The following TNRC18 variants were observed in gnomAD, a reference collection of about 807,000 sequenced individuals.
The protein encoded by TNRC18 is trinucleotide repeat-containing gene 18 protein.
TNRC18 carries 69 observed loss-of-function variants against 226.7 expected under a neutral mutation model. The observed-to-expected ratio is 0.30, with a 90% CI of 0.25 to 0.37. The LOEUF (loss-of-function observed/expected upper bound fraction) is 0.37, where lower values mean the gene tolerates loss of function less well. TNRC18 is among the 10% of genes least tolerant of loss of function. The pLI is 1.00. For synonymous variants in TNRC18, 2,449 were observed against 1,927.6 expected, an observed-to-expected ratio of 1.27 and a Z score of -7.09; for missense variants, 4,754 against 4,256.6, an observed-to-expected ratio of 1.12 and a Z score of -3.25.
At chr7:5,398,173 A>AT (rs1288938002) in intron 2 of TNRC18, among the ~76,000 whole-genome samples, 2,850 of 149,656 alleles carry the variant, frequency 0.019, 92 homozygotes, top group African/African-American at 0.065. Context: ...GCAAAAAAAA[A>AT]TTTTTTTTTT....
At chr7:5,395,597 G>A (rs1405341036) in intron 2 of TNRC18, among the ~76,000 whole-genome samples, 1 of 152,224 alleles carries the variant, frequency 6.6e-6, no homozygotes, top group Non-Finnish European at 1.5e-5. Flanking sequence ...TGGCGCACGG[G>A]GCTTCCCTTA....
intron 2 of TNRC18, among the ~76,000 whole-genome samples, chr7:5,398,174 T>A (rs529934920): frequency 5.5e-4 from 78 of 142,064 alleles, no homozygotes; most frequent in Admixed American, 8.9e-4. Flanking sequence ...CAAAAAAAAA[T>A]TTTTTTTTTT....
chr7:5,415,334 T>C (rs1782110897), intron 2 of TNRC18, among the ~76,000 whole-genome samples: 1 of 148,502 alleles, frequency 6.7e-6, no homozygotes, highest in East Asian at 1.9e-4. Flanking sequence ...AGACCAGACC[T>C]TTACCATTTT....
chr7:5,380,781 G>A (rs963908206), intron 5 of TNRC18, among the ~76,000 whole-genome samples: 6 of 152,280 alleles, frequency 3.9e-5, no homozygotes, highest in South Asian at 4.1e-4. Flanking sequence ...GGGCAACGGA[G>A]GGCCACTCCA....
intron 5 of TNRC18, among the ~76,000 whole-genome samples, chr7:5,385,536 T>G (rs948418338): frequency 6.7e-6 from 1 of 148,902 alleles, no homozygotes; most frequent in Non-Finnish European, 1.5e-5. Context: ...AATACAAAAT[T>G]AGCCGGGCAT....
chr7:5,350,018 C>A (rs1791619858), intron 17 of TNRC18, among the ~76,000 whole-genome samples: 1 of 152,134 alleles, frequency 6.6e-6, no homozygotes, highest in Non-Finnish European at 1.5e-5. Flanking sequence ...GCCTAGGGCG[C>A]TGCCTGCTTC....
At chr7:5,336,292 C>T (rs1048997628) in intron 18 of TNRC18, among the ~76,000 whole-genome samples, 1 of 151,624 alleles carries the variant, frequency 6.6e-6, no homozygotes. Flanking sequence ...ACCAACTAAA[C>T]GTGACCCTGA....
chr7:5,395,100 G>C (rs1780579646), intron 2 of TNRC18, among the ~76,000 whole-genome samples: 2 of 152,156 alleles, frequency 1.3e-5, no homozygotes, highest in Non-Finnish European at 2.9e-5. Context: ...AGCAGCCCTA[G>C]CCAGCCCCGT....
In TNRC18 at chr7:5,377,653, G is replaced by A. The variant is rs960961838; in HGVS notation, c.2256-77C>T. On this transcript the variant is annotated intron_variant, in intron 6 of 29. Coordinates refer to ENST00000430969, the MANE Select transcript of TNRC18 (RefSeq NM_001080495.3). This position sits in a 1 kb window ranked among gnomAD's most constrained non-coding sequence, Gnocchi z 5.8. ...AGAGGGAGAAGCGGGGTTGCCCCAA[G>A]GAACTGTTTGCCACCAGGCCATGAG... 6.9e-6 allele frequency: 10 copies of A among 1,439,142 alleles called. No homozygotes were observed. The highest frequency in any genetic ancestry group is 1.4e-5 in the African/African-American group (1 of 70,730). 89.1% of individuals were successfully genotyped at this position (1,439,142 alleles called of 1,614,324 possible).
At chr7:5,357,883 G>C (rs185448371) in intron 15 of TNRC18, among the ~76,000 whole-genome samples, 1 of 152,278 alleles carries the variant, frequency 6.6e-6, no homozygotes, top group East Asian at 1.9e-4. Flanking sequence ...TGACCACAAC[G>C]TCTGGTACAA....
chr7:5,363,466 T>C (rs912220196), intron 11 of TNRC18, among the ~76,000 whole-genome samples: 16 of 152,030 alleles, frequency 1.1e-4, no homozygotes, highest in Admixed American at 7.9e-4. Context: ...TAGCCGGGTG[T>C]GGTGGCGGGC....
At chr7:5,371,505 AGGTG>A in intron 10 of TNRC18, 141 bp from the exon 11 acceptor site, 1 of 1,147,060 alleles carries the variant, frequency 8.7e-7, no homozygotes, top group Non-Finnish European at 1.2e-6. Context: ...GAGCTGTTCT[AGGTG>A]GGATCTCAGA....
Position 5,352,100 on chromosome 7 carries a change from G to T in TNRC18, c.5195-6C>A. On this transcript the variant is annotated splice_region_variant and splice_polypyrimidine_tract_variant and intron_variant, in intron 16 of 29. Transcript: ENST00000430969. The stretch of plus-strand genomic sequence containing the variant: ...GTCTTCCTCTGAGTCCGTATCTGCA[G>T]TCAAAGTAGTTTTTAATAGAGATAA... The T allele has an allele frequency of 6.3e-7, 1 of 1,592,664 alleles. No homozygotes were observed. The highest frequency in any genetic ancestry group is 1.3e-5 in the African/African-American group (1 of 74,108).
At chr7:5,365,393 G>A (rs1328856125) in intron 11 of TNRC18, among the ~76,000 whole-genome samples, 4 of 152,084 alleles carry the variant, frequency 2.6e-5, no homozygotes, top group Admixed American at 6.6e-5. Flanking sequence ...GATTACAGGC[G>A]TGAGCCACCG....
At chr7:5,363,403 C>A (rs1367669602) in intron 11 of TNRC18, among the ~76,000 whole-genome samples, 2 of 151,936 alleles carry the variant, frequency 1.3e-5, no homozygotes, top group African/African-American at 2.4e-5. Context: ...GAGATGGAGA[C>A]CATCCTGGCT....
In TNRC18 at chr7:5,377,626, C is replaced by T. The variant is rs1169904296; in HGVS notation, c.2256-50G>A. ...GCGACAGCTCGGACAGCCCAGGGGACGAGAGGGAGAAGCGGGGTTGCCCCA... is the reference window on the plus strand; with the variant it reads ...GCGACAGCTCGGACAGCCCAGGGGATGAGAGGGAGAAGCGGGGTTGCCCCA... On this transcript the variant is annotated intron_variant, in intron 6 of 29. Transcript: ENST00000430969. This position sits in a 1 kb window ranked among gnomAD's most constrained non-coding sequence, Gnocchi z 5.8. The T allele has an allele frequency of 2.6e-6, 4 of 1,520,762 alleles. No homozygotes were observed. The highest frequency in any genetic ancestry group is 2.4e-5 in the South Asian group (2 of 82,664). 94.2% of individuals were successfully genotyped at this position (1,520,762 alleles called of 1,614,324 possible).
In TNRC18 at chr7:5,332,826, G is replaced by C; in HGVS notation, c.5943C>G (p.Gly1981=). The change falls in exon 19 of 30, where the codon GGC becomes GGG. Residue 1981 remains glycine (G), a synonymous_variant. Coordinates refer to ENST00000430969, the MANE Select transcript of TNRC18 (RefSeq NM_001080495.3). ...CGCTGGCCTCGGGCCCCGCCTCGAA[G>C]CCAGGCTCCTTGGGGCCCCGCAGCT... ...ARKLRGPKEP[G]FEAGPEASDD... The C allele has an allele frequency of 1.3e-6, 2 of 1,508,852 alleles. No homozygotes were observed. The highest frequency in any genetic ancestry group is 1.8e-6 in the Non-Finnish European group (2 of 1,137,616). The allele number at this position is 1,508,852 out of a possible 1,614,324, so 93.5% of individuals were successfully genotyped here. A position where few individuals can be genotyped will look rare whatever the true frequency, so the allele number is the denominator to read the frequency against.
chr7:5,327,020 A>T (rs1224664828), intron 19 of TNRC18, among the ~76,000 whole-genome samples: 4 of 151,440 alleles, frequency 2.6e-5, no homozygotes, highest in African/African-American at 9.7e-5. Context: ...GCTACTCGGG[A>T]GGCTGAGGCA....
intron 2 of TNRC18, among the ~76,000 whole-genome samples, chr7:5,399,670 C>G (rs1780944006): frequency 6.6e-6 from 1 of 151,986 alleles, no homozygotes; most frequent in Admixed American, 6.6e-5. Flanking sequence ...CGCGCCACTG[C>G]ACTCCAGCCT....
Sources: allele counts gnomAD v4.1 joint callset (sites outside exome capture counted in the v4.1 genomes callset), GRCh38; gene constraint gnomAD v4.1.1; non-coding constraint Gnocchi (gnomAD v3.1); transcripts MANE v1.5; gene names NCBI Gene and HGNC (gene_info 2026-07-23, HGNC 2026-07-21).